Variants in PITPNC1 observed in about 807,000 individuals in gnomAD.
The protein encoded by PITPNC1 is phosphatidylinositol transfer protein cytoplasmic 1.
PITPNC1 carries 18 observed loss-of-function variants against 44.7 expected under a neutral mutation model. That is an observed-to-expected ratio of 0.40 (90% CI 0.28 to 0.60). The LOEUF (loss-of-function observed/expected upper bound fraction) is 0.60, where lower values mean the gene tolerates loss of function less well. Among genes scored for constraint, PITPNC1 ranks in the 20% least tolerant of loss-of-function variants. The pLI is 0.39. For missense variants in PITPNC1, 290 were observed against 418.4 expected, an observed-to-expected ratio of 0.69 and a Z score of 2.68; for synonymous variants, 141 against 149.6, an observed-to-expected ratio of 0.94 and a Z score of 0.42.
intron 1 of PITPNC1, among the ~76,000 whole-genome samples, chr17:67,443,726 C>G (rs1267281591): frequency 1.3e-5 from 2 of 151,288 alleles, no homozygotes. Context: ...CCTCTGCCCC[C>G]AGGGTTCAAG....
chr17:67,514,173 G>A (rs2040228195), intron 1 of PITPNC1, among the ~76,000 whole-genome samples: 1 of 152,050 alleles, frequency 6.6e-6, no homozygotes, highest in Non-Finnish European at 1.5e-5. Flanking sequence ...GGACTACTTG[G>A]TGTAGAATTC....
At chr17:67,619,075 A>G (rs562585515) in intron 5 of PITPNC1, among the ~76,000 whole-genome samples, 1 of 152,236 alleles carries the variant, frequency 6.6e-6, no homozygotes, top group African/African-American at 2.4e-5. Context: ...ATAAAAAATA[A>G]AAATAAAAAA....
chr17:67,398,625 C>T lies in PITPNC1; in HGVS notation c.48+20423C>T, dbSNP rs541436011. Among the ~76,000 whole-genome samples the T allele has an allele frequency of 8.7e-4, 133 of 152,138 alleles. 3 individuals are homozygous for T. The South Asian group carries it at 0.018, about 21-fold the overall frequency. ...TACTTCTCAGCTGTAATGGTTTCCCCAGGATTCAGAAAGCCGTAATGGATC... is the reference window on the plus strand; with the variant it reads ...TACTTCTCAGCTGTAATGGTTTCCCTAGGATTCAGAAAGCCGTAATGGATC... On this transcript the variant is annotated intron_variant, in intron 1 of 8. Coordinates refer to ENST00000581322, the MANE Select transcript of PITPNC1 (RefSeq NM_012417.4).
intron 1 of PITPNC1, among the ~76,000 whole-genome samples, chr17:67,498,374 A>G (rs577721519): frequency 2.0e-5 from 3 of 152,346 alleles, no homozygotes; most frequent in African/African-American, 7.2e-5. Context: ...CGGGCAGATC[A>G]TCTGCAGTCA....
chr17:67,583,062 G>T (rs2041256755), intron 5 of PITPNC1, among the ~76,000 whole-genome samples: 1 of 152,228 alleles, frequency 6.6e-6, no homozygotes, highest in African/African-American at 2.4e-5. Flanking sequence ...CTGGGTCCCA[G>T]CCCCTGGGAT....
intron 1 of PITPNC1, among the ~76,000 whole-genome samples, chr17:67,506,292 A>G (rs1253837931): frequency 2.0e-5 from 3 of 152,234 alleles, no homozygotes; most frequent in Non-Finnish European, 4.4e-5. Context: ...ACATTTTCAG[A>G]TTAGATGATA....
intron 2 of PITPNC1, among the ~76,000 whole-genome samples, chr17:67,536,849 T>A (rs965617766): frequency 6.6e-6 from 1 of 152,156 alleles, no homozygotes; most frequent in African/African-American, 2.4e-5. Flanking sequence ...TCTATGCTAT[T>A]CAAAGAGAAT....
At chr17:67,679,726 T>G (rs890239179) in intron 8 of PITPNC1, among the ~76,000 whole-genome samples, 9 of 152,224 alleles carry the variant, frequency 5.9e-5, no homozygotes, top group Non-Finnish European at 1.2e-4. Flanking sequence ...GAGTGTGTCT[T>G]TCAAAGCCGT....
intron 4 of PITPNC1, among the ~76,000 whole-genome samples, chr17:67,571,307 C>G (rs1048110650): frequency 1.1e-4 from 17 of 152,164 alleles, no homozygotes; most frequent in Admixed American, 9.2e-4. Flanking sequence ...TGGTGCATGC[C>G]TGTGATCCCA....
At chr17:67,435,492 C>T (rs560792493) in intron 1 of PITPNC1, among the ~76,000 whole-genome samples, 5 of 152,310 alleles carry the variant, frequency 3.3e-5, no homozygotes, top group African/African-American at 1.2e-4. Context: ...GAGACAAACT[C>T]CTGCCCCCAT....
At chr17:67,401,492 A>G (rs1196572769) in intron 1 of PITPNC1, among the ~76,000 whole-genome samples, 1 of 152,098 alleles carries the variant, frequency 6.6e-6, no homozygotes. Context: ...GATCGTTTCT[A>G]CCACTATAGT....
intron 1 of PITPNC1, among the ~76,000 whole-genome samples, chr17:67,412,504 A>C (rs2038516514): frequency 6.6e-6 from 1 of 152,158 alleles, no homozygotes; most frequent in Non-Finnish European, 1.5e-5. Flanking sequence ...GATTTAACCT[A>C]AAAGAGAAGA....
At chr17:67,378,918 C>G (rs2037914029) in intron 1 of PITPNC1, 1 of 952,658 alleles carries the variant, frequency 1.0e-6, no homozygotes, top group Non-Finnish European at 1.2e-6. Flanking sequence ...CACGTGGTGC[C>G]GGGGCCGCGG....
rs187745318 is a variant in PITPNC1 at position 67,522,069 on chromosome 17, C to T, written c.49-10733C>T. ...CTGTAATCCCAGTACTTTGGAAGGCCGAGGCAGGTGCATCACCTGAGGTCA... is the reference window on the plus strand; with the variant it reads ...CTGTAATCCCAGTACTTTGGAAGGCTGAGGCAGGTGCATCACCTGAGGTCA... On this transcript the variant is annotated intron_variant, in intron 1 of 8. Transcript: ENST00000581322. Among the ~76,000 whole-genome samples, 386 of 152,134 alleles carry T rather than the reference C, an allele frequency of 2.5e-3. 2 individuals are homozygous for T. Among genetic ancestry groups the T allele is most frequent in the Middle Eastern group, 6.8e-3 (2 of 294 alleles).
rs570765970 is a variant in PITPNC1 at position 67,568,600 on chromosome 17, C to CACT, written c.295-9585_295-9583dup. Among the ~76,000 whole-genome samples the CACT allele has an allele frequency of 8.4e-3, 1,283 of 152,038 alleles. 10 individuals carry two copies. Among genetic ancestry groups the CACT allele is most frequent in the Non-Finnish European group, 0.012 (835 of 67,996 alleles). On this transcript the variant is annotated intron_variant, in intron 4 of 8. Coordinates refer to ENST00000581322, the MANE Select transcript of PITPNC1 (RefSeq NM_012417.4). ...GGAATGCAGTAGTGTGATCATAGCTCACTGCAGCCTCAAACTCCTGGGCTC... is the reference window on the plus strand; with the variant it reads ...GGAATGCAGTAGTGTGATCATAGCTCACTACTGCAGCCTCAAACTCCTGGGCTC...
intron 5 of PITPNC1, among the ~76,000 whole-genome samples, chr17:67,582,721 G>T (rs958464672): frequency 3.9e-5 from 6 of 152,192 alleles, no homozygotes; most frequent in African/African-American, 1.4e-4. Context: ...CTTAAACTGA[G>T]GCCCATTTAT....
chr17:67,642,707 T>C (rs1399555779), intron 6 of PITPNC1, among the ~76,000 whole-genome samples: 1 of 152,144 alleles, frequency 6.6e-6, no homozygotes. Flanking sequence ...TGCCTAGTGC[T>C]GATTTTAAAA....
rs1173830323 is a variant in PITPNC1, at chr17:67,425,197, GCACACGCACA to G, written c.48+47001_48+47010del. ...AAACAGCCATGTTGTGCGCGCGCAC[GCACACGCACA>G]CACACACACACACACACACACACAC... On this transcript the variant is annotated intron_variant, in intron 1 of 8. Coordinates refer to ENST00000581322, the MANE Select transcript of PITPNC1 (RefSeq NM_012417.4). Among the ~76,000 whole-genome samples, 809 of 98,448 alleles carry G rather than the reference GCACACGCACA, an allele frequency of 8.2e-3. 53 individuals carry two copies. Among genetic ancestry groups the G allele is most frequent in the African/African-American group, 9.3e-3 (260 of 27,896 alleles). 64.6% of individuals were successfully genotyped at this position (98,448 alleles called of 152,430 possible).
rs1284236247 is a variant in PITPNC1 at position 67,508,969 on chromosome 17, C to T, written c.49-23833C>T. On this transcript the variant is annotated intron_variant, in intron 1 of 8. Transcript: ENST00000581322. This position sits in a 1 kb window ranked among gnomAD's most constrained non-coding sequence, Gnocchi z 4.2. ...TAAAAACAGGCCGGGCTTGGTGGCT[C>T]ACGTCTGTAATCCCAGCACTTTGGG... 6.6e-6 allele frequency among the ~76,000 whole-genome samples: 1 copy of T among 152,184 alleles called. No homozygotes were observed. The highest frequency in any genetic ancestry group is 1.5e-5 in the Non-Finnish European group (1 of 68,034).
Sources: gnomAD v4.1 joint callset for allele counts (sites outside exome capture counted in the v4.1 genomes callset) on GRCh38, gnomAD v4.1.1 for gene constraint, Gnocchi (gnomAD v3.1) non-coding constraint, MANE v1.5 for transcripts, NCBI Gene and HGNC (gene_info 2026-07-23, HGNC 2026-07-21) for gene names.